The following TCTN3 variants were observed in gnomAD, a reference collection of about 807,000 sequenced individuals.
The protein encoded by TCTN3 is tectonic-3.
A neutral mutation model predicts 71.3 loss-of-function variants in TCTN3; 57 were observed. The observed-to-expected ratio is 0.80, with a 90% CI of 0.65 to 1.00. The LOEUF (loss-of-function observed/expected upper bound fraction) is 1.00, where lower values mean the gene tolerates loss of function less well. TCTN3 is among the 50% of genes least tolerant of loss of function. TCTN3 has a pLI of 0.00. For synonymous variants in TCTN3, 258 were observed against 267.8 expected, an observed-to-expected ratio of 0.96 and a Z score of 0.36; for missense variants, 696 against 719.9, an observed-to-expected ratio of 0.97 and a Z score of 0.38.
chr10:95,683,480 C>T, intron 10 of TCTN3, 42 bp downstream of exon 10: 1 of 1,614,076 alleles, frequency 6.2e-7, no homozygotes, highest in Non-Finnish European at 8.5e-7. Context: ...TGCAGCTTTT[C>T]TCATTAGGCT....
At chr10:95,675,090 G>A (rs1285469394) in intron 13 of TCTN3, among the ~76,000 whole-genome samples, 1 of 152,054 alleles carries the variant, frequency 6.6e-6, no homozygotes, top group Non-Finnish European at 1.5e-5. Flanking sequence ...ATTTCAAGTG[G>A]TTATATGTTT....
intron 4 of TCTN3, 44 bp downstream of exon 4, chr10:95,687,548 G>A: frequency 6.2e-7 from 1 of 1,605,450 alleles, no homozygotes; most frequent in Non-Finnish European, 8.5e-7. Flanking sequence ...TGCTGTGAGA[G>A]TAAAAACTAA....
chr10:95,680,402 G>T, intron 13 of TCTN3, 70 bp downstream of exon 13: 1 of 1,503,704 alleles, frequency 6.7e-7, no homozygotes, highest in Non-Finnish European at 8.9e-7. Context: ...AAATTATTTG[G>T]TTAACAAATG....
chr10:95,693,858 C>T lies in TCTN3; in HGVS notation c.42G>A (p.Leu14=), dbSNP rs1305366424. 1 of 1,551,686 alleles carries T rather than the reference C, an allele frequency of 6.4e-7. No individual in the cohort carries two copies. Residue 14 remains leucine, a synonymous_variant, in exon 1 of 14, where the codon CTG becomes CTA. Transcript: ENST00000371217. ...GAGGCCGGACGCCATCGGGGAACAC[C>T]AGAAAGAACACTTGCAGGAGCGCGA... is the stretch of plus-strand genomic sequence containing the variant. The part of the protein sequence containing the change: ...PQLALLQVFF[L]VFPDGVRPQP...
rs371316947 is a variant in TCTN3, at chr10:95,693,756, C to G, written c.144G>C (p.Gln48His). 1 of 1,551,680 alleles carries G rather than the reference C, an allele frequency of 6.4e-7. No homozygotes were observed. Among genetic ancestry groups the G allele is most frequent in the South Asian group, 1.2e-5 (1 of 84,062 alleles). The change falls in exon 1 of 14, where the codon CAG becomes CAC. Residue 48 changes from glutamine (Q) to histidine (H), a missense_variant. Physicochemically the swap from Gln to His is conservative, Grantham distance 24 (BLOSUM62 0). Coordinates refer to ENST00000371217, the MANE Select transcript of TCTN3 (RefSeq NM_015631.6). ...GAGTTGCAGTCGCCTCTGAAGGGGACTGGAGGGTTCCGCCATCCGTCCCTC... is the reference window on the plus strand; with the variant it reads ...GAGTTGCAGTCGCCTCTGAAGGGGAGTGGAGGGTTCCGCCATCCGTCCCTC... Reference protein sequence around the residue: ...LQRGTDGGTLQSPSEATATRP... With the variant: ...LQRGTDGGTLHSPSEATATRP...
intron 9 of TCTN3, 28 bp from the exon 10 acceptor site, chr10:95,683,657 T>C: frequency 6.3e-7 from 1 of 1,587,736 alleles, no homozygotes. Flanking sequence ...AGAAGTCAAT[T>C]ATGGAGATAA....
rs765156728 is a variant in TCTN3, at chr10:95,686,349, A to C, written c.888+146T>G. ...TATTAACTGTATAGGACGTACTTGCAAAGGCACCGTTTTAGATCCCTACTT... is the reference window on the plus strand; with the variant it reads ...TATTAACTGTATAGGACGTACTTGCCAAGGCACCGTTTTAGATCCCTACTT... On this transcript the variant is annotated intron_variant, in intron 7 of 13. Coordinates refer to ENST00000371217, the MANE Select transcript of TCTN3 (RefSeq NM_015631.6). 4.9e-6 allele frequency: 4 copies of C among 815,294 alleles called. No homozygotes were observed. In the African/African-American group the frequency reaches 6.9e-5, roughly 14 times the overall value. The allele number at this position is 815,294 out of a possible 1,614,324, so 50.5% of individuals were successfully genotyped here. A position where few individuals can be genotyped will look rare whatever the true frequency, so the allele number is the denominator to read the frequency against.
Position 95,680,541 on chromosome 10 carries a change from T to TA in TCTN3, c.1520dup (p.Gly508ArgfsTer106), listed in dbSNP as rs755903123. On this transcript the variant is annotated frameshift_variant, in exon 13 of 14. Coordinates refer to ENST00000371217, the MANE Select transcript of TCTN3 (RefSeq NM_015631.6). LOFTEE classifies it high-confidence loss of function. ...GAGCTTGCGGGTTGGACAGGAGACCTACATATGCCCACAATACCTGGATCT... is the reference window on the plus strand; with the variant it reads ...GAGCTTGCGGGTTGGACAGGAGACCTAACATATGCCCACAATACCTGGATCT... 33 of 1,614,054 alleles carry TA rather than the reference T, an allele frequency of 2.0e-5. No individual in the cohort carries two copies. Among genetic ancestry groups the TA allele is most frequent in the Non-Finnish European group, 2.5e-5 (30 of 1,180,032 alleles).
chr10:95,666,947 C>A lies in TCTN3; in HGVS notation c.1591-2647G>T, dbSNP rs183131884. On this transcript the variant is annotated intron_variant, in intron 13 of 13. Coordinates refer to ENST00000371217, the MANE Select transcript of TCTN3 (RefSeq NM_015631.6). ...AAAACTGATATTTGATTATCTTTAT[C>A]TGACTCCTTTTAATTGGTTTCAAAC... Among the ~76,000 whole-genome samples the A allele has an allele frequency of 3.9e-5, 6 of 152,292 alleles. No individual in the cohort carries two copies. In the East Asian group the frequency reaches 1.2e-3, roughly 29 times the overall value.
At chr10:95,686,385 T>C in intron 7 of TCTN3, 110 bp downstream of exon 7, 1 of 1,151,168 alleles carries the variant, frequency 8.7e-7, no homozygotes, top group Non-Finnish European at 1.3e-6. Context: ...AATTGTTTGC[T>C]ACATCACGCT....
intron 13 of TCTN3, among the ~76,000 whole-genome samples, chr10:95,669,062 C>T (rs148950463): frequency 4.6e-5 from 7 of 152,244 alleles, no homozygotes; most frequent in Admixed American, 3.9e-4. Context: ...CATGCATATT[C>T]ACATAAACAT....
intron 10 of TCTN3, 86 bp downstream of exon 10, chr10:95,683,436 C>A (rs992221563): frequency 6.2e-7 from 1 of 1,607,676 alleles, no homozygotes; most frequent in East Asian, 2.2e-5. Flanking sequence ...AAATTCCTCA[C>A]CTTTGGCTAG....
intron 8 of TCTN3, 120 bp downstream of exon 8, chr10:95,685,436 A>G: frequency 1.5e-6 from 1 of 686,638 alleles, no homozygotes; most frequent in Non-Finnish European, 2.4e-6. Context: ...CATTCCCAAC[A>G]TTGTTAGAGA....
intron 3 of TCTN3, among the ~76,000 whole-genome samples, chr10:95,688,397 G>GAAA (rs60722894): frequency 2.9e-5 from 3 of 104,590 alleles, no homozygotes; most frequent in East Asian, 2.9e-4. Context: ...TCAAAAAAAA[G>GAAA]AAAAAAAAAA....
intron 13 of TCTN3, among the ~76,000 whole-genome samples, chr10:95,672,685 CTTTTTTTTTTTTT>C (rs766029244): frequency 2.5e-5 from 2 of 80,412 alleles, no homozygotes; most frequent in Admixed American, 2.9e-4. Flanking sequence ...CTGTTCAAAT[CTTTTTTTTTTTTT>C]TTTTTTTTTT....
intron 4 of TCTN3, 108 bp downstream of exon 4, chr10:95,687,484 A>G (rs2097949521): frequency 6.5e-7 from 1 of 1,548,026 alleles, no homozygotes; most frequent in Non-Finnish European, 8.8e-7. Flanking sequence ...CAAAGAGCTG[A>G]CAATGGTTTA....
intron 13 of TCTN3, among the ~76,000 whole-genome samples, chr10:95,673,883 C>T (rs2097934123): frequency 6.6e-6 from 1 of 152,106 alleles, no homozygotes; most frequent in African/African-American, 2.4e-5. Flanking sequence ...AAATTTTTCC[C>T]ATTGAATTGA....
chr10:95,677,901 G>A (rs917901649), intron 13 of TCTN3, among the ~76,000 whole-genome samples: 1 of 152,106 alleles, frequency 6.6e-6, no homozygotes, highest in African/African-American at 2.4e-5. Context: ...TGAATGTCTG[G>A]GAAATTCTTG....
intron 3 of TCTN3, among the ~76,000 whole-genome samples, chr10:95,689,700 A>C (rs529442417): frequency 2.0e-5 from 3 of 152,200 alleles, no homozygotes; most frequent in Admixed American, 2.0e-4. Context: ...TTTGCCTAAA[A>C]TTTCTACCAT....
Sources: gnomAD v4.1 joint callset for allele counts (sites outside exome capture counted in the v4.1 genomes callset) on GRCh38, gnomAD v4.1.1 for gene constraint, MANE v1.5 for transcripts, NCBI Gene and HGNC (gene_info 2026-07-23, HGNC 2026-07-21) for gene names.